The following PCDH11X variants were observed in gnomAD, a reference collection of about 807,000 sequenced individuals.
PCDH11X encodes the protein protocadherin 11 X-linked.
A neutral mutation model predicts 53.3 loss-of-function variants in PCDH11X; 18 were observed. That is an observed-to-expected ratio of 0.34 (90% CI 0.23 to 0.50). The LOEUF (loss-of-function observed/expected upper bound fraction) is 0.50. PCDH11X is among the 20% of genes least tolerant of loss of function. The pLI is 0.98. For missense variants in PCDH11X, 570 were observed against 1,032.4 expected (o/e 0.55, Z 6.14); for synonymous variants, 279 against 393.3 (o/e 0.71, Z 3.44).
At chrX:91,828,773 G>A (rs1325386242) in intron 4 of PCDH11X, among the ~76,000 whole-genome samples, 2 of 111,546 alleles carry the variant, frequency 1.8e-5, no homozygotes, top group East Asian at 5.6e-4. Context: ...AATAGGAAGA[G>A]CTTCATTGTC....
intron 6 of PCDH11X, among the ~76,000 whole-genome samples, chrX:92,196,732 T>C (rs17274218): frequency 0.088 from 9,698 of 110,827 alleles, 632 homozygotes; most frequent in African/African-American, 0.2. Context: ...GAATAGAAGA[T>C]TGTGAGGCCA....
At chrX:92,345,178 T>C (rs1295146060) in intron 8 of PCDH11X, among the ~76,000 whole-genome samples, 1 of 110,940 alleles carries the variant, frequency 9.0e-6, no homozygotes, top group African/African-American at 3.3e-5. Flanking sequence ...GATACAATAA[T>C]ATAGCCTTAG....
At position 91,968,250 on chromosome X, in the gene PCDH11X, T is replaced by G. The variant is rs185887474; in HGVS notation, c.3033+88977T>G. On this transcript the variant is annotated intron_variant, in intron 6 of 10. Transcript: ENST00000682573. The stretch of plus-strand genomic sequence containing the variant: ...GTTAAGTTTTCTTTATATTTCCTTC[T>G]GTGCTGTTTTAATATTTTTTTCAAT... 4.4e-3 allele frequency among the ~76,000 whole-genome samples: 489 copies of G among 111,862 alleles called. 19 individuals carry two copies. The East Asian group carries it at 0.12, about 27-fold the overall frequency.
chrX:92,150,065 G>C (rs2065406711), intron 6 of PCDH11X, among the ~76,000 whole-genome samples: 1 of 109,396 alleles, frequency 9.1e-6, no homozygotes, highest in Admixed American at 9.6e-5. Context: ...AAACATTTGT[G>C]TGAAAGTTTT....
At chrX:91,844,028 T>C (rs780751707) in intron 5 of PCDH11X, among the ~76,000 whole-genome samples, 80 of 111,549 alleles carry the variant, frequency 7.2e-4, no homozygotes, top group African/African-American at 2.6e-3. Flanking sequence ...AAGCTAATGA[T>C]GTAAGTAAAA....
chrX:92,362,181 A>G (rs975309636), intron 8 of PCDH11X, among the ~76,000 whole-genome samples: 19 of 109,716 alleles, frequency 1.7e-4, no homozygotes, highest in African/African-American at 6.0e-4. Flanking sequence ...TCATATGGTA[A>G]TTCTACATTA....
intron 7 of PCDH11X, among the ~76,000 whole-genome samples, chrX:92,235,323 A>T (rs73528420): frequency 0.061 from 6,824 of 111,047 alleles, 415 homozygotes; most frequent in African/African-American, 0.19. Context: ...GGTCTGGGTT[A>T]TGATTTCATA....
At chrX:92,609,938 A>T (rs1260789234) in intron 10 of PCDH11X, among the ~76,000 whole-genome samples, 1 of 111,642 alleles carries the variant, frequency 9.0e-6, no homozygotes, top group African/African-American at 3.2e-5. Flanking sequence ...TTGTTCTTTT[A>T]AAGACTGCGT....
chrX:92,012,268 A>G lies in PCDH11X; in HGVS notation c.3033+132995A>G, dbSNP rs113195209. On this transcript the variant is annotated intron_variant, in intron 6 of 10. Transcript: ENST00000682573. ...GGGGCTTATCTTAGGGAGATAGTAA[A>G]ATGGCAGCTGGTTTTACCCTAGAAG... is the stretch of plus-strand genomic sequence containing the variant. Among the ~76,000 whole-genome samples the G allele has an allele frequency of 6.5e-3, 705 of 108,493 alleles. 4 individuals carry two copies. Among genetic ancestry groups the G allele is most frequent in the African/African-American group, 0.022 (663 of 29,833 alleles). 94.2% of individuals were successfully genotyped at this position (108,493 alleles called of 115,157 possible).
intron 6 of PCDH11X, among the ~76,000 whole-genome samples, chrX:92,056,086 G>A (rs1305117872): frequency 9.0e-6 from 1 of 110,676 alleles, no homozygotes; most frequent in Non-Finnish European, 1.9e-5. Context: ...TGGTATTTCT[G>A]TCTTTAGGTC....
At chrX:92,261,975 C>T (rs772648554) in intron 7 of PCDH11X, among the ~76,000 whole-genome samples, 1 of 111,285 alleles carries the variant, frequency 9.0e-6, no homozygotes, top group Non-Finnish European at 1.9e-5. Flanking sequence ...CTTGGGCTAA[C>T]AACACTCGAA....
At chrX:92,564,947 A>G (rs1233673913) in intron 10 of PCDH11X, among the ~76,000 whole-genome samples, 3 of 110,984 alleles carry the variant, frequency 2.7e-5, no homozygotes, top group African/African-American at 9.8e-5. Flanking sequence ...AATCTGATAA[A>G]ATAAGAACAG....
chrX:92,295,817 T>G (rs1034909049), intron 8 of PCDH11X, among the ~76,000 whole-genome samples: 3 of 105,694 alleles, frequency 2.8e-5, no homozygotes, highest in Non-Finnish European at 5.8e-5. Flanking sequence ...CCGTGGCTCA[T>G]GCCTGTAAGC....
chrX:92,139,981 CTTT>C (rs564798316), intron 6 of PCDH11X, among the ~76,000 whole-genome samples: 1 of 100,567 alleles, frequency 9.9e-6, no homozygotes, highest in African/African-American at 3.6e-5. Flanking sequence ...TCTATTCTTC[CTTT>C]TTTTTTTTTA....
At chrX:91,860,338 G>T (rs1938592377) in intron 5 of PCDH11X, among the ~76,000 whole-genome samples, 1 of 106,503 alleles carries the variant, frequency 9.4e-6, no homozygotes, top group Non-Finnish European at 1.9e-5. Context: ...CTTTGCTAAA[G>T]TTGCTTATCA....
chrX:92,529,437 T>C (rs2148724574), intron 10 of PCDH11X, among the ~76,000 whole-genome samples: 1 of 110,078 alleles, frequency 9.1e-6, no homozygotes, highest in East Asian at 2.9e-4. Context: ...ATTATTTGTG[T>C]TCATAGATCT....
chrX:92,584,993 T>A (rs73537252), intron 10 of PCDH11X, among the ~76,000 whole-genome samples: 30,787 of 108,455 alleles, frequency 0.28, 3,748 homozygotes, highest in African/African-American at 0.44. Flanking sequence ...GGTTTCTCCA[T>A]GTTGGTTATA....
intron 7 of PCDH11X, among the ~76,000 whole-genome samples, chrX:92,233,858 A>G (rs2067125166): frequency 8.9e-6 from 1 of 111,880 alleles, no homozygotes; most frequent in African/African-American, 3.2e-5. Flanking sequence ...CTTCATTTTT[A>G]TTGTTGTATT....
chrX:91,977,246 C>T (rs1391117623), intron 6 of PCDH11X, among the ~76,000 whole-genome samples: 1 of 111,553 alleles, frequency 9.0e-6, no homozygotes, highest in Non-Finnish European at 1.9e-5. Context: ...ATTATATAGT[C>T]TGTTGGCCTC....
Sources: allele counts gnomAD v4.1 joint callset (sites outside exome capture counted in the v4.1 genomes callset), GRCh38; gene constraint gnomAD v4.1.1; transcripts MANE v1.5; gene names NCBI Gene and HGNC (gene_info 2026-07-23, HGNC 2026-07-21).